Variants in EHBP1 observed in about 807,000 individuals in gnomAD.
EHBP1 encodes the protein EH domain binding protein 1, also known as EH domain-binding protein 1.
In EHBP1, 55 loss-of-function variants were observed where a neutral mutation model predicts 144.0. The observed-to-expected ratio is 0.38, with a 90% CI of 0.31 to 0.48. The LOEUF is 0.48. EHBP1 is among the 20% of genes least tolerant of loss of function. The pLI is 0.98. For synonymous variants in EHBP1, 469 were observed against 472.7 expected (o/e 0.99, Z 0.10); for missense variants, 1,200 against 1,364.2 (o/e 0.88, Z 1.90).
intron 5 of EHBP1, among the ~76,000 whole-genome samples, chr2:62,778,703 A>G (rs1284065878): frequency 6.6e-6 from 1 of 152,184 alleles, no homozygotes; most frequent in Admixed American, 6.5e-5. Context: ...TACAATGTAA[A>G]CAATATAAAA....
intron 13 of EHBP1, among the ~76,000 whole-genome samples, chr2:62,950,402 GCTTT>G (rs2057312117): frequency 6.6e-6 from 1 of 152,026 alleles, no homozygotes; most frequent in African/African-American, 2.4e-5. Context: ...GAATTCAGCT[GCTTT>G]CTTTTATATT....
intron 14 of EHBP1, among the ~76,000 whole-genome samples, chr2:62,958,289 G>A (rs944967666): frequency 6.6e-6 from 1 of 152,132 alleles, no homozygotes; most frequent in African/African-American, 2.4e-5. Flanking sequence ...TTTGTTTGTA[G>A]TACCCAGAAA....
At chr2:62,761,337 C>A (rs1380316839) in intron 3 of EHBP1, among the ~76,000 whole-genome samples, 1 of 152,032 alleles carries the variant, frequency 6.6e-6, no homozygotes, top group Admixed American at 6.6e-5. Context: ...GCCTCTGTTT[C>A]CATCTCTGTA....
intron 6 of EHBP1, among the ~76,000 whole-genome samples, chr2:62,830,043 A>C (rs1020963929): frequency 6.6e-6 from 1 of 151,058 alleles, no homozygotes; most frequent in African/African-American, 2.4e-5. Flanking sequence ...TTGCACATGC[A>C]ATGTTTATAG....
intron 15 of EHBP1, among the ~76,000 whole-genome samples, chr2:62,981,032 T>C (rs968236094): frequency 1.4e-5 from 2 of 145,298 alleles, no homozygotes; most frequent in African/African-American, 5.1e-5. Flanking sequence ...ATCATGCCAC[T>C]GTCCTCCAGC....
At chr2:62,930,520 A>G (rs974541436) in intron 10 of EHBP1, among the ~76,000 whole-genome samples, 3 of 152,206 alleles carry the variant, frequency 2.0e-5, no homozygotes, top group African/African-American at 7.2e-5. Flanking sequence ...TAAAAATACA[A>G]AAATCCATGT....
At chr2:62,811,197 A>G (rs960326121) in intron 5 of EHBP1, among the ~76,000 whole-genome samples, 2 of 152,194 alleles carry the variant, frequency 1.3e-5, no homozygotes, top group African/African-American at 4.8e-5. Context: ...ACTCTCTTCC[A>G]TCCGACCATC....
intron 1 of EHBP1, among the ~76,000 whole-genome samples, chr2:62,697,914 C>A (rs2034156379): frequency 6.6e-6 from 1 of 152,168 alleles, no homozygotes. Context: ...CCATAGCATA[C>A]AATGTTGAAG....
rs548334906 is a variant in EHBP1 at position 62,847,830 on chromosome 2, A to T, written c.635-11339A>T. ...AAAAGACATGTGACCTTATTTTTTT[A>T]AAATGGACAAAGATTTGGACATATG... On this transcript the variant is annotated intron_variant, in intron 7 of 22. Coordinates refer to ENST00000431489, the MANE Select transcript of EHBP1 (RefSeq NM_001142616.3). Among the ~76,000 whole-genome samples, 9 of 152,314 alleles carry T rather than the reference A, an allele frequency of 5.9e-5. No individual in the cohort carries two copies. The East Asian group carries it at 1.4e-3, about 23-fold the overall frequency.
intron 19 of EHBP1, among the ~76,000 whole-genome samples, chr2:63,026,294 T>TTGTGTGTG (rs60109170): frequency 0.012 from 1,493 of 129,064 alleles, 26 homozygotes; most frequent in East Asian, 0.048. Context: ...GCTCTCTACC[T>TTGTGTGTG]TGTGTGTGTG....
At chr2:62,837,936 CAG>C (rs1220266934) in intron 7 of EHBP1, among the ~76,000 whole-genome samples, 2 of 146,176 alleles carry the variant, frequency 1.4e-5, no homozygotes, top group African/African-American at 5.1e-5. Context: ...ATCAACGAGA[CAG>C]AAAGTCAACA....
chr2:62,896,693 A>C (rs1392645287), intron 10 of EHBP1, among the ~76,000 whole-genome samples: 1 of 151,608 alleles, frequency 6.6e-6, no homozygotes, highest in Non-Finnish European at 1.5e-5. Context: ...AAAAAAAAAA[A>C]AACAAAAAAC....
chr2:62,799,073 A>T (rs967483146), intron 5 of EHBP1, among the ~76,000 whole-genome samples: 25 of 151,070 alleles, frequency 1.7e-4, no homozygotes, highest in Non-Finnish European at 3.1e-4. Flanking sequence ...AGTCTTTTCT[A>T]TATGTGAGAC....
At chr2:62,730,037 G>A (rs1016453336) in intron 2 of EHBP1, among the ~76,000 whole-genome samples, 1 of 152,112 alleles carries the variant, frequency 6.6e-6, no homozygotes, top group African/African-American at 2.4e-5. Flanking sequence ...GCATATAAAA[G>A]TTGTGTTATT....
intron 12 of EHBP1, 51 bp downstream of exon 12, chr2:62,943,901 G>A (rs1203256128): frequency 7.2e-7 from 1 of 1,392,290 alleles, no homozygotes; most frequent in South Asian, 1.2e-5. Context: ...TGGCTTCTCT[G>A]CAGGTCTTTA....
intron 10 of EHBP1, among the ~76,000 whole-genome samples, chr2:62,889,374 T>G (rs2052242543): frequency 6.6e-6 from 1 of 152,166 alleles, no homozygotes; most frequent in Non-Finnish European, 1.5e-5. Flanking sequence ...TGATAGTTTC[T>G]TTTGCTGTGC....
In EHBP1 at chr2:62,929,889, C is replaced by A. The variant is rs1246174763; in HGVS notation, c.1186-12829C>A. On this transcript the variant is annotated intron_variant, in intron 10 of 22. Coordinates refer to ENST00000431489, the MANE Select transcript of EHBP1 (RefSeq NM_001142616.3). ...AACGTAGCATGATACAAAAACCAAT[C>A]CGTTGTATTTCTATATACCAACAAT... 2.0e-5 allele frequency among the ~76,000 whole-genome samples: 3 copies of A among 152,056 alleles called. No homozygotes were observed. The East Asian group carries it at 5.8e-4, about 29-fold the overall frequency.
intron 18 of EHBP1, among the ~76,000 whole-genome samples, chr2:62,994,992 A>G (rs2059572370): frequency 6.6e-6 from 1 of 152,156 alleles, no homozygotes; most frequent in Non-Finnish European, 1.5e-5. Context: ...TGTGTTGCTT[A>G]TCACTTCTGC....
At chr2:62,824,135 A>C (rs574687812) in intron 5 of EHBP1, among the ~76,000 whole-genome samples, 8 of 152,182 alleles carry the variant, frequency 5.3e-5, no homozygotes, top group African/African-American at 1.4e-4. Flanking sequence ...AATTGGCAGA[A>C]TATGATAAAA....
Sources: allele counts gnomAD v4.1 joint callset (sites outside exome capture counted in the v4.1 genomes callset), GRCh38; gene constraint gnomAD v4.1.1; transcripts MANE v1.5; gene names NCBI Gene and HGNC (gene_info 2026-07-23, HGNC 2026-07-21).